Variants in ZFHX3 observed in about 807,000 individuals in gnomAD.
ZFHX3 encodes zinc finger homeobox 3, also known as zinc finger homeobox protein 3.
ZFHX3 carries 42 observed loss-of-function variants against 279.1 expected under a neutral mutation model. The ratio of observed to expected loss-of-function variants is 0.15; its 90% CI spans 0.12 to 0.19. ZFHX3 has a LOEUF of 0.19. Among genes scored for constraint, ZFHX3 ranks in the 10% least tolerant of loss-of-function variants. ZFHX3 has a pLI of 1.00. For missense variants in ZFHX3, 4,981 were observed against 4,754.0 expected, an observed-to-expected ratio of 1.05 and a Z score of -1.40; for synonymous variants, 2,293 against 1,957.8, an observed-to-expected ratio of 1.17 and a Z score of -4.52.
intron 8 of ZFHX3, among the ~76,000 whole-genome samples, chr16:73,085,625 C>A (rs1279108535): frequency 6.6e-6 from 1 of 152,118 alleles, no homozygotes; most frequent in Non-Finnish European, 1.5e-5. Context: ...AATTAGATAA[C>A]CATATGCAGA....
At chr16:73,015,776 G>A (rs944503788) in intron 1 of ZFHX3, 1 of 152,380 alleles carries the variant, frequency 6.6e-6, no homozygotes, top group African/African-American at 2.4e-5. Flanking sequence ...GCCCGCCTCC[G>A]TGGTAGCCTG....
At chr16:73,415,578 T>A (rs2017554993) in intron 3 of ZFHX3, among the ~76,000 whole-genome samples, 1 of 152,152 alleles carries the variant, frequency 6.6e-6, no homozygotes, top group Admixed American at 6.5e-5. Context: ...ACCTTAGCAT[T>A]CCCTCCAATG....
At chr16:73,758,561 T>A (rs991144768) in intron 1 of ZFHX3, among the ~76,000 whole-genome samples, 1 of 152,198 alleles carries the variant, frequency 6.6e-6, no homozygotes, top group African/African-American at 2.4e-5. Flanking sequence ...ATCTGGTTGT[T>A]GGGGATAGCC....
intron 3 of ZFHX3, among the ~76,000 whole-genome samples, chr16:72,917,611 A>G (rs1480747961): frequency 1.3e-5 from 2 of 152,358 alleles, no homozygotes; most frequent in African/African-American, 4.8e-5. Flanking sequence ...AAGGTCACAC[A>G]TTGTAAAGCT....
intron 5 of ZFHX3, among the ~76,000 whole-genome samples, chr16:73,191,530 A>G (rs1433706831): frequency 6.6e-6 from 1 of 152,082 alleles, no homozygotes; most frequent in Non-Finnish European, 1.5e-5. Context: ...ACGCTTGCAG[A>G]TTTTAGATCT....
intron 7 of ZFHX3, among the ~76,000 whole-genome samples, chr16:73,112,548 A>G: frequency 6.6e-6 from 1 of 151,680 alleles, no homozygotes; most frequent in Non-Finnish European, 1.5e-5. Flanking sequence ...CCCTGTCTCT[A>G]CTAAAAATAC....
At chr16:73,105,621 C>T (rs565440396) in intron 7 of ZFHX3, among the ~76,000 whole-genome samples, 7 of 151,758 alleles carry the variant, frequency 4.6e-5, no homozygotes, top group South Asian at 2.1e-4. Flanking sequence ...GGCATGGTGG[C>T]GGGCACCTAT....
chr16:73,797,861 C>CTGGA (rs1284578872), intron 1 of ZFHX3, among the ~76,000 whole-genome samples: 1 of 127,002 alleles, frequency 7.9e-6, no homozygotes, highest in South Asian at 2.4e-4. Context: ...GTCACCCAGG[C>CTGGA]TGGAGTGTAA....
intron 7 of ZFHX3, among the ~76,000 whole-genome samples, chr16:72,806,241 C>T (rs376975770): frequency 2.0e-5 from 3 of 152,070 alleles, no homozygotes; most frequent in African/African-American, 7.2e-5. Context: ...ACTGTAGGGC[C>T]GTGTTAACAT....
At position 72,959,842 on chromosome 16, in the gene ZFHX3, C is replaced by T. The variant is rs544655521; in HGVS notation, c.304G>A (p.Ala102Thr). ...TCTCTCAGGGGTGGCGGGGGGCGCGCGCTGGGGCAGTGGTGCTCCATGTAG... is the reference window on the plus strand; with the variant it reads ...TCTCTCAGGGGTGGCGGGGGGCGCGTGCTGGGGCAGTGGTGCTCCATGTAG... ...QTYMEHHCPS[A>T]RPPPPLREES... is the part of the protein sequence containing the mutation. The change falls in exon 2 of 10, where the codon GCG becomes ACG. Residue 102 changes from alanine to threonine, a missense_variant. Transcript: ENST00000268489. 18 of 1,595,592 alleles carry T rather than the reference C, an allele frequency of 1.1e-5. No homozygotes were observed. Among genetic ancestry groups the T allele is most frequent in the Middle Eastern group, 1.7e-4 (1 of 5,978 alleles).
chr16:73,278,893 A>G (rs2014383158), intron 4 of ZFHX3, among the ~76,000 whole-genome samples: 1 of 152,186 alleles, frequency 6.6e-6, no homozygotes, highest in African/African-American at 2.4e-5. Flanking sequence ...TGTAAGACAG[A>G]AAAGTTCTCC....
chr16:72,796,336 G>C lies in ZFHX3; in HGVS notation c.6346C>G (p.Pro2116Ala), dbSNP rs976967829. Residue 2116 changes from proline to alanine, a missense_variant, in exon 9 of 10, where the codon CCG becomes GCG. Physicochemically the swap from Pro to Ala is conservative, Grantham distance 27 (BLOSUM62 -1). Around this residue, in one of 7 missense-constraint regions of ZFHX3, gnomAD observed 1,751 missense variants for 1,770.0 expected, o/e 0.99. Transcript: ENST00000268489. ...PLQTLPAQLP[P>A]QLGPVEPLPA... Reference sequence around the variant, plus strand: ...AGAGGCTCCACAGGTCCCAGCTGCGGGGGTAGCTGAGCCGGCAAGGTCTGC... The same window carrying C: ...AGAGGCTCCACAGGTCCCAGCTGCGCGGGTAGCTGAGCCGGCAAGGTCTGC... The C allele has an allele frequency of 6.2e-7, 1 of 1,613,952 alleles. No homozygotes were observed. Among genetic ancestry groups the C allele is most frequent in the Non-Finnish European group, 8.5e-7 (1 of 1,180,018 alleles).
At chr16:72,879,900 G>T (rs2038416799) in intron 4 of ZFHX3, among the ~76,000 whole-genome samples, 1 of 152,194 alleles carries the variant, frequency 6.6e-6, no homozygotes. Context: ...CAGCAAGAAG[G>T]TTTCGGTGAG....
intron 3 of ZFHX3, 23 bp downstream of exon 3, chr16:72,950,446 A>G (rs1301839103): frequency 1.2e-6 from 2 of 1,603,446 alleles, no homozygotes; most frequent in Non-Finnish European, 1.7e-6. Context: ...AGAGCGCCTG[A>G]GCCATAAGGA....
chr16:73,229,888 G>T (rs1242735913), intron 5 of ZFHX3, among the ~76,000 whole-genome samples: 2 of 152,154 alleles, frequency 1.3e-5, no homozygotes, highest in African/African-American at 4.8e-5. Flanking sequence ...ATTCTGCTAA[G>T]ATTACAGCTA....
chr16:73,165,269 A>G (rs1415478109), intron 5 of ZFHX3, among the ~76,000 whole-genome samples: 2 of 152,278 alleles, frequency 1.3e-5, no homozygotes, highest in East Asian at 3.9e-4. Flanking sequence ...GAAAAATTGG[A>G]CTAAGTTAGT....
rs180903028 is a variant in ZFHX3, at chr16:73,752,524, T to C, written c.-1607-72284A>G. Among the ~76,000 whole-genome samples, 379 of 152,296 alleles carry C rather than the reference T, an allele frequency of 2.5e-3. 4 individuals carry two copies. Among genetic ancestry groups the C allele is most frequent in the Non-Finnish European group, 6.0e-4 (41 of 68,012 alleles). ...TCCCTGTGTTGGTTTTCTTCTCAGATGGCCTCTCTCTTCCTGGTCCCCAAC... is the reference window on the plus strand; with the variant it reads ...TCCCTGTGTTGGTTTTCTTCTCAGACGGCCTCTCTCTTCCTGGTCCCCAAC... On this transcript the variant is annotated intron_variant, in intron 1 of 17. Transcript: ENST00000641206.
chr16:73,773,474 C>G (rs1029619623), intron 1 of ZFHX3, among the ~76,000 whole-genome samples: 2 of 152,206 alleles, frequency 1.3e-5, no homozygotes, highest in Non-Finnish European at 2.9e-5. Context: ...AGGCCCTGGT[C>G]CTGTCTCTGG....
intron 1 of ZFHX3, among the ~76,000 whole-genome samples, chr16:73,040,009 G>GT (rs1436023430): frequency 3.9e-5 from 6 of 152,240 alleles, no homozygotes; most frequent in Non-Finnish European, 7.3e-5. Context: ...ACTGGGTTGA[G>GT]TGTCAAGGGT....
Sources: gnomAD v4.1 joint callset for allele counts (sites outside exome capture counted in the v4.1 genomes callset) on GRCh38, gnomAD v4.1.1 for gene constraint, gnomAD v4.1.1 regional missense constraint, MANE v1.5 for transcripts, NCBI Gene and HGNC (gene_info 2026-07-23, HGNC 2026-07-21) for gene names.